CTNNA3: variants seen among roughly 807,000 people sequenced by gnomAD.
The protein encoded by CTNNA3 is catenin alpha-3.
CTNNA3 carries 76 observed loss-of-function variants against 95.7 expected under a neutral mutation model. The ratio of observed to expected loss-of-function variants is 0.79; its 90% CI spans 0.66 to 0.96. The LOEUF is 0.96. Among genes scored for constraint, CTNNA3 ranks in the 40% least tolerant of loss-of-function variants. CTNNA3 has a pLI of 0.00. For synonymous variants in CTNNA3, 431 were observed against 374.4 expected, an observed-to-expected ratio of 1.15 and a Z score of -1.74; for missense variants, 1,191 against 1,089.8, an observed-to-expected ratio of 1.09 and a Z score of -1.31.
intron 13 of CTNNA3, among the ~76,000 whole-genome samples, chr10:66,142,960 C>A (rs1299503495): frequency 6.6e-6 from 1 of 152,050 alleles, no homozygotes; most frequent in Non-Finnish European, 1.5e-5. Flanking sequence ...TCAAATGTTT[C>A]TGATTTCTGG....
intron 9 of CTNNA3, among the ~76,000 whole-genome samples, chr10:66,702,477 G>C (rs1847977376): frequency 6.6e-6 from 1 of 151,768 alleles, no homozygotes; most frequent in African/African-American, 2.4e-5. Flanking sequence ...CATGAGCATG[G>C]GTGGATCACC....
intron 1 of CTNNA3, among the ~76,000 whole-genome samples, chr10:67,691,641 A>T (rs1377253975): frequency 6.7e-6 from 1 of 150,182 alleles, no homozygotes; most frequent in Non-Finnish European, 1.5e-5. Context: ...AGAAGTGAGG[A>T]GCCCCTCCGC....
chr10:66,611,631 G>C (rs1045118750), intron 10 of CTNNA3, among the ~76,000 whole-genome samples: 1 of 151,990 alleles, frequency 6.6e-6, no homozygotes, highest in Admixed American at 6.6e-5. Flanking sequence ...ACTATTCTTT[G>C]GTTAAGATGA....
chr10:65,991,866 TATG>T (rs1281400501), intron 15 of CTNNA3, among the ~76,000 whole-genome samples: 6 of 152,206 alleles, frequency 3.9e-5, no homozygotes, highest in Non-Finnish European at 1.5e-5. Context: ...TTCCAATCAG[TATG>T]ATGTTAGCTG....
intron 3 of CTNNA3, among the ~76,000 whole-genome samples, chr10:67,567,077 C>T (rs1314680218): frequency 4.7e-5 from 7 of 149,448 alleles, no homozygotes; most frequent in African/African-American, 1.7e-4. Context: ...TGCTAAATGA[C>T]GAGTTAATGG....
chr10:66,789,599 C>A (rs1022118634), intron 7 of CTNNA3, among the ~76,000 whole-genome samples: 1 of 152,112 alleles, frequency 6.6e-6, no homozygotes, highest in African/African-American at 2.4e-5. Context: ...CACATATACT[C>A]CATTTGACCA....
At chr10:67,540,035 T>C (rs986721388) in intron 3 of CTNNA3, among the ~76,000 whole-genome samples, 4 of 152,176 alleles carry the variant, frequency 2.6e-5, no homozygotes, top group African/African-American at 4.8e-5. Flanking sequence ...TAAATCTTTA[T>C]TGAGTTACTT....
At chr10:67,108,986 A>C (rs566273533) in intron 7 of CTNNA3, among the ~76,000 whole-genome samples, 5 of 152,298 alleles carry the variant, frequency 3.3e-5, no homozygotes, top group Middle Eastern at 3.4e-3. Context: ...GTAATTAATA[A>C]ATTCAATGTA....
chr10:66,840,370 TCTCACACACACACACA>T (rs1449331960), intron 7 of CTNNA3, among the ~76,000 whole-genome samples: 2 of 74,812 alleles, frequency 2.7e-5, no homozygotes, highest in South Asian at 4.6e-4. Flanking sequence ...TCTCTCTCTC[TCTCACACACACACACA>T]CACACACACA....
intron 15 of CTNNA3, among the ~76,000 whole-genome samples, chr10:66,049,886 C>G (rs1331988434): frequency 6.6e-5 from 10 of 151,970 alleles, no homozygotes; most frequent in Admixed American, 6.6e-4. Context: ...TACAACAAAC[C>G]CGTGTAAATG....
rs569760054 is a variant in CTNNA3 at position 66,000,544 on chromosome 10, G to A, written c.2160-11747C>T. 1.9e-4 allele frequency among the ~76,000 whole-genome samples: 29 copies of A among 152,018 alleles called. No homozygotes were observed. The South Asian group carries it at 2.7e-3, about 14-fold the overall frequency. On this transcript the variant is annotated intron_variant, in intron 15 of 17. Coordinates refer to ENST00000433211, the MANE Select transcript of CTNNA3 (RefSeq NM_013266.4). ...TATTTATATTTTTATTCCCTAAATCGTTGAAAACATAATAGTATTAAAGAT... is the reference window on the plus strand; with the variant it reads ...TATTTATATTTTTATTCCCTAAATCATTGAAAACATAATAGTATTAAAGAT...
rs375512365 is a variant in CTNNA3 at position 66,748,861 on chromosome 10, G to C, written c.1281+17403C>G. The stretch of plus-strand genomic sequence containing the variant: ...CACTGACACTTCATTATCACCCAAA[G>C]TCCATAGTTTACATAAAGATTTTCT... On this transcript the variant is annotated intron_variant, in intron 9 of 17. Transcript: ENST00000433211. Among the ~76,000 whole-genome samples the C allele has an allele frequency of 4.0e-5, 6 of 151,766 alleles. No individual in the cohort carries two copies. In the East Asian group the frequency reaches 5.8e-4, roughly 15 times the overall value.
At chr10:67,116,000 G>C (rs2131981467) in intron 7 of CTNNA3, among the ~76,000 whole-genome samples, 1 of 151,984 alleles carries the variant, frequency 6.6e-6, no homozygotes, top group East Asian at 1.9e-4. Flanking sequence ...AAAATTTAAA[G>C]AGTTATTTTT....
chr10:66,452,514 T>C (rs12416534), intron 11 of CTNNA3, among the ~76,000 whole-genome samples: 40,220 of 151,936 alleles, frequency 0.26, 5,473 homozygotes, highest in South Asian at 0.39. Context: ...ACTTAGTTTA[T>C]GGCCTAACTT....
chr10:67,097,200 C>G (rs1858051139), intron 7 of CTNNA3, among the ~76,000 whole-genome samples: 1 of 151,744 alleles, frequency 6.6e-6, no homozygotes, highest in African/African-American at 2.4e-5. Flanking sequence ...TCTATTGTAT[C>G]CTAACCAAAT....
chr10:66,737,479 A>G (rs2132685511), intron 9 of CTNNA3, among the ~76,000 whole-genome samples: 1 of 152,310 alleles, frequency 6.6e-6, no homozygotes, highest in South Asian at 2.1e-4. Context: ...ATTATTCAAA[A>G]ATGATTCATC....
chr10:66,261,012 T>C (rs2090976602), intron 13 of CTNNA3, among the ~76,000 whole-genome samples: 1 of 152,094 alleles, frequency 6.6e-6, no homozygotes, highest in Non-Finnish European at 1.5e-5. Flanking sequence ...TTAAGTTATT[T>C]GTTTTCTTTC....
chr10:66,211,705 G>C (rs542581251), intron 13 of CTNNA3, among the ~76,000 whole-genome samples: 3 of 152,116 alleles, frequency 2.0e-5, no homozygotes, highest in African/African-American at 7.2e-5. Context: ...GGCCCAAGAG[G>C]GCAACATGCC....
intron 7 of CTNNA3, among the ~76,000 whole-genome samples, chr10:67,109,099 T>A (rs1311977882): frequency 6.6e-6 from 1 of 152,186 alleles, no homozygotes; most frequent in African/African-American, 2.4e-5. Context: ...TTCAGGAATA[T>A]GTGACAACAT....
Sources: allele counts gnomAD v4.1 joint callset (sites outside exome capture counted in the v4.1 genomes callset), GRCh38; gene constraint gnomAD v4.1.1; transcripts MANE v1.5; gene names NCBI Gene and HGNC (gene_info 2026-07-23, HGNC 2026-07-21).